The following SLC24A2 variants were observed in gnomAD, a reference collection of about 807,000 sequenced individuals.
SLC24A2 encodes the protein solute carrier family 24 member 2, also known as sodium/potassium/calcium exchanger 2.
In SLC24A2, 36 loss-of-function variants were observed where a neutral mutation model predicts 62.0. The observed-to-expected ratio is 0.58, with a 90% confidence interval of 0.44 to 0.77. The LOEUF (loss-of-function observed/expected upper bound fraction) is 0.77, where lower values mean the gene tolerates loss of function less well. Among genes scored for constraint, SLC24A2 ranks in the 30% least tolerant of loss-of-function variants. The probability of loss-of-function intolerance (pLI) is 0.00; values close to 1 mark genes in which losing one functional copy is unlikely to be tolerated. For missense variants in SLC24A2, 846 were observed against 817.9 expected (o/e 1.03, Z -0.42); for synonymous variants, 358 against 294.0 (o/e 1.22, Z -2.23).
Position 19,788,923 on chromosome 9 carries a change from C to T in SLC24A2, c.-192G>A, listed in dbSNP as rs1028908549. The T allele has an allele frequency of 3.0e-6, 3 of 985,114 alleles. No individual in the cohort carries two copies. Among genetic ancestry groups the T allele is most frequent in the South Asian group, 4.7e-5 (1 of 21,290 alleles). The allele number at this position is 985,114 out of a possible 1,614,324, so 61.0% of individuals were successfully genotyped here. On this transcript the variant is annotated 5_prime_UTR_variant, in exon 1 of 11. Coordinates refer to ENST00000341998, the MANE Select transcript of SLC24A2 (RefSeq NM_020344.4). ...GAGGACGCGCACACGGCGGGGCCCC[C>T]GAGCGCGGCCCGCCGCTCCAGTCCG...
the SLC24A2 span, among the ~76,000 whole-genome samples, chr9:20,047,053 G>T: frequency 6.6e-6 from 1 of 152,032 alleles, no homozygotes; most frequent in African/African-American, 2.4e-5. Flanking sequence ...CTTTGCACTA[G>T]AGTTTGGGAA....
chr9:19,853,142 C>T, the SLC24A2 span, among the ~76,000 whole-genome samples: 1 of 152,054 alleles, frequency 6.6e-6, no homozygotes, highest in African/African-American at 2.4e-5. Context: ...TATAGGAATG[C>T]TTGTGATTTT....
the SLC24A2 span, among the ~76,000 whole-genome samples, chr9:19,797,939 G>A: frequency 6.6e-6 from 1 of 152,038 alleles, no homozygotes; most frequent in South Asian, 2.1e-4. Flanking sequence ...TGCTCTATTG[G>A]TTTTCTATTG....
chr9:20,168,668 C>A, the SLC24A2 span, among the ~76,000 whole-genome samples: 1 of 151,934 alleles, frequency 6.6e-6, no homozygotes, highest in Non-Finnish European at 1.5e-5. Flanking sequence ...TTTACATCTA[C>A]TGGGATGCCT....
chr9:19,891,827 T>G, the SLC24A2 span, among the ~76,000 whole-genome samples: 1 of 152,228 alleles, frequency 6.6e-6, no homozygotes, highest in East Asian at 1.9e-4. Context: ...ACTCATTACC[T>G]TAGGATGGCA....
chr9:19,630,072 G>C (rs1330579637), intron 2 of SLC24A2, among the ~76,000 whole-genome samples: 1 of 152,014 alleles, frequency 6.6e-6, no homozygotes, highest in Non-Finnish European at 1.5e-5. Flanking sequence ...AGATAGAAAG[G>C]GTAGGTAGTC....
chr9:19,581,906 T>C (rs1483247962), intron 5 of SLC24A2, among the ~76,000 whole-genome samples: 1 of 152,234 alleles, frequency 6.6e-6, no homozygotes, highest in African/African-American at 2.4e-5. Context: ...ATATACTCTC[T>C]TGTGGTCTCT....
rs372736487 is a variant in SLC24A2 at position 19,625,714 on chromosome 9, T to C, written c.931-3415A>G. 6.7e-4 allele frequency among the ~76,000 whole-genome samples: 101 copies of C among 151,296 alleles called. 1 individual carries two copies. The highest frequency in any genetic ancestry group is 1.9e-3 in the African/African-American group (79 of 41,228). On this transcript the variant is annotated intron_variant, in intron 2 of 10. Transcript: ENST00000341998. ...TTCTTTTTTTTTTTTGAGATGGGGT[T>C]TCACTCTTGTCACCCAGGTTGGAGT...
the SLC24A2 span, among the ~76,000 whole-genome samples, chr9:19,914,107 C>T: frequency 6.6e-6 from 1 of 152,030 alleles, no homozygotes; most frequent in Non-Finnish European, 1.5e-5. Context: ...AGTCCGTTAC[C>T]AAATACTTTG....
the SLC24A2 span, among the ~76,000 whole-genome samples, chr9:19,931,017 A>G: frequency 6.6e-6 from 1 of 152,252 alleles, no homozygotes; most frequent in Non-Finnish European, 1.5e-5. Flanking sequence ...GCAATGACCA[A>G]TAGTGATTGA....
chr9:19,518,753 T>C (rs2132629300), intron 10 of SLC24A2, among the ~76,000 whole-genome samples: 1 of 152,260 alleles, frequency 6.6e-6, no homozygotes, highest in Admixed American at 6.5e-5. Context: ...TGTGAGTATA[T>C]GTTAATTTTA....
At chr9:20,009,418 T>G in the SLC24A2 span, among the ~76,000 whole-genome samples, 1 of 148,006 alleles carries the variant, frequency 6.8e-6, no homozygotes, top group Non-Finnish European at 1.5e-5. Context: ...GGGCGGGTGA[T>G]AGAGTTCACA....
intron 4 of SLC24A2, among the ~76,000 whole-genome samples, chr9:19,614,792 T>A (rs923456258): frequency 1.3e-5 from 2 of 152,054 alleles, no homozygotes; most frequent in Non-Finnish European, 2.9e-5. Flanking sequence ...GGGGACCCAG[T>A]TGAGCCCAGC....
chr9:20,092,184 A>G, the SLC24A2 span, among the ~76,000 whole-genome samples: 2 of 152,128 alleles, frequency 1.3e-5, no homozygotes, highest in Non-Finnish European at 2.9e-5. Context: ...TGTACAACAA[A>G]CCCCCATGAG....
Position 19,527,827 on chromosome 9 carries a change from T to TCC in SLC24A2, c.1569+220_1569+221dup, listed in dbSNP as rs534816612. ...CAAGAAGTAGTTAGACTTGCCTGCC[T>TCC]CCACATGGCTGTCCAGAGGCTATGC... is the stretch of plus-strand genomic sequence containing the variant. On this transcript the variant is annotated intron_variant, in intron 9 of 10. Transcript: ENST00000341998. Among the ~76,000 whole-genome samples, 30 of 152,320 alleles carry TCC rather than the reference T, an allele frequency of 2.0e-4. No individual in the cohort carries two copies. The East Asian group carries it at 2.9e-3, about 15-fold the overall frequency.
At chr9:20,065,769 C>G in the SLC24A2 span, among the ~76,000 whole-genome samples, 1 of 152,158 alleles carries the variant, frequency 6.6e-6, no homozygotes, top group Non-Finnish European at 1.5e-5. Flanking sequence ...CCCTGAACCC[C>G]TGTTCCTTTT....
the SLC24A2 span, among the ~76,000 whole-genome samples, chr9:20,003,238 C>A: frequency 2.0e-5 from 3 of 152,186 alleles, no homozygotes; most frequent in African/African-American, 7.2e-5. Flanking sequence ...AAACTATGCC[C>A]ATGACCACAG....
At chr9:19,805,062 C>G in the SLC24A2 span, among the ~76,000 whole-genome samples, 1 of 152,156 alleles carries the variant, frequency 6.6e-6, no homozygotes, top group East Asian at 1.9e-4. Flanking sequence ...GACAAACCAG[C>G]ATAGTGATTG....
chr9:19,994,882 T>C, the SLC24A2 span, among the ~76,000 whole-genome samples: 1 of 152,276 alleles, frequency 6.6e-6, no homozygotes, highest in African/African-American at 2.4e-5. Flanking sequence ...AATGTACCAA[T>C]ATACAGAGTG....
Sources: gnomAD v4.1 joint callset for allele counts (sites outside exome capture counted in the v4.1 genomes callset) on GRCh38, gnomAD v4.1.1 for gene constraint, MANE v1.5 for transcripts, NCBI Gene and HGNC (gene_info 2026-07-23, HGNC 2026-07-21) for gene names.